The following SLC4A10 variants were observed in gnomAD, a reference collection of about 807,000 sequenced individuals.
SLC4A10 encodes solute carrier family 4 member 10, also known as sodium-driven chloride bicarbonate exchanger.
SLC4A10 carries 42 observed loss-of-function variants against 137.7 expected under a neutral mutation model. That is an observed-to-expected ratio of 0.30 (90% CI 0.24 to 0.39). The LOEUF (loss-of-function observed/expected upper bound fraction) is 0.39. Among genes scored for constraint, SLC4A10 ranks in the 10% least tolerant of loss-of-function variants. SLC4A10 has a pLI of 1.00. For synonymous variants in SLC4A10, 474 were observed against 464.1 expected, an observed-to-expected ratio of 1.02 and a Z score of -0.27; for missense variants, 925 against 1,355.0, an observed-to-expected ratio of 0.68 and a Z score of 4.98.
intron 15 of SLC4A10, among the ~76,000 whole-genome samples, chr2:161,938,939 T>A (rs1221354793): frequency 6.6e-6 from 1 of 152,156 alleles, no homozygotes; most frequent in African/African-American, 2.4e-5. Flanking sequence ...GCAACATTTT[T>A]AACAAAATTT....
At chr2:161,661,991 G>A (rs1043023233) in intron 1 of SLC4A10, among the ~76,000 whole-genome samples, 3 of 152,022 alleles carry the variant, frequency 2.0e-5, no homozygotes, top group Non-Finnish European at 4.4e-5. Context: ...CAGAAAATAC[G>A]CTTTATGGAG....
intron 1 of SLC4A10, among the ~76,000 whole-genome samples, chr2:161,655,223 T>C (rs1182855306): frequency 6.6e-6 from 1 of 152,218 alleles, no homozygotes; most frequent in Non-Finnish European, 1.5e-5. Flanking sequence ...TGATTTTGTA[T>C]CTTGCAATAC....
chr2:161,866,225 A>T (rs924288953), intron 6 of SLC4A10, among the ~76,000 whole-genome samples: 7 of 152,002 alleles, frequency 4.6e-5, no homozygotes, highest in Non-Finnish European at 7.4e-5. Context: ...TCCGGGGTTA[A>T]ACATTCAGAC....
chr2:161,890,153 CTGTT>C (rs1475118724), intron 10 of SLC4A10, among the ~76,000 whole-genome samples: 1 of 152,088 alleles, frequency 6.6e-6, no homozygotes, highest in East Asian at 1.9e-4. Context: ...GTCTGAGAGA[CTGTT>C]TGTTATGATT....
At chr2:161,700,782 G>A (rs1300548590) in intron 1 of SLC4A10, among the ~76,000 whole-genome samples, 3 of 152,020 alleles carry the variant, frequency 2.0e-5, no homozygotes, top group East Asian at 1.9e-4. Flanking sequence ...TAAAAGCTAC[G>A]TTATTGCACT....
At chr2:161,964,919 C>A in intron 22 of SLC4A10, 132 bp from the exon 23 acceptor site, 2 of 660,784 alleles carry the variant, frequency 3.0e-6, no homozygotes, top group Non-Finnish European at 4.7e-6. Flanking sequence ...ATGTTTTATA[C>A]ATATATATCT....
chr2:161,680,082 A>G (rs770737199), intron 1 of SLC4A10, among the ~76,000 whole-genome samples: 1 of 152,080 alleles, frequency 6.6e-6, no homozygotes, highest in Non-Finnish European at 1.5e-5. Flanking sequence ...TTCCATAAAG[A>G]CCTGGATGAA....
chr2:161,953,992 T>C (rs1695236883), intron 19 of SLC4A10, among the ~76,000 whole-genome samples: 1 of 152,166 alleles, frequency 6.6e-6, no homozygotes, highest in Non-Finnish European at 1.5e-5. Context: ...GATAAAATCT[T>C]ATAAAAAAGA....
At chr2:161,685,631 CAAACA>C (rs141932629) in intron 1 of SLC4A10, among the ~76,000 whole-genome samples, 15,585 of 145,684 alleles carry the variant, frequency 0.11, 1,045 homozygotes, top group East Asian at 0.38. Flanking sequence ...AACAAACAAA[CAAACA>C]AAAAAAAAAA....
intron 1 of SLC4A10, among the ~76,000 whole-genome samples, chr2:161,645,061 G>A (rs908224981): frequency 2.6e-5 from 4 of 152,118 alleles, no homozygotes; most frequent in Non-Finnish European, 5.9e-5. Context: ...AAGCAATTGA[G>A]AATTGGAAGA....
rs183396538 is a variant in SLC4A10, at chr2:161,696,679, C to A, written c.48+72113C>A. On this transcript the variant is annotated intron_variant, in intron 1 of 26. Coordinates refer to ENST00000446997, the MANE Select transcript of SLC4A10 (RefSeq NM_001178015.2). Reference sequence around the variant, plus strand: ...CATAGTATTCCATGGTGTATATGTACCACATTTTCTTAATCGAGTCTATCA... The same window carrying A: ...CATAGTATTCCATGGTGTATATGTAACACATTTTCTTAATCGAGTCTATCA... Among the ~76,000 whole-genome samples the A allele has an allele frequency of 3.5e-3, 529 of 151,838 alleles. 1 individual carries two copies. Among genetic ancestry groups the A allele is most frequent in the African/African-American group, 0.012 (506 of 41,424 alleles).
At chr2:161,648,786 C>T (rs975403857) in intron 1 of SLC4A10, among the ~76,000 whole-genome samples, 12 of 152,176 alleles carry the variant, frequency 7.9e-5, no homozygotes, top group African/African-American at 2.9e-4. Flanking sequence ...GAGAGCTATG[C>T]ATGTGGGTTG....
At chr2:161,708,791 T>A (rs1214038840) in intron 1 of SLC4A10, 1 of 1,532,800 alleles carries the variant, frequency 6.5e-7, no homozygotes, top group East Asian at 2.4e-5. Context: ...GGTCATGCAG[T>A]CTGGAACCTG....
intron 10 of SLC4A10, among the ~76,000 whole-genome samples, chr2:161,883,042 G>A (rs1311380479): frequency 6.6e-6 from 1 of 152,076 alleles, no homozygotes; most frequent in Non-Finnish European, 1.5e-5. Context: ...TCAAAGAAGT[G>A]TATGTCTCAA....
chr2:161,879,906 TA>T (rs2061659637), intron 9 of SLC4A10, among the ~76,000 whole-genome samples: 1 of 151,980 alleles, frequency 6.6e-6, no homozygotes, highest in Non-Finnish European at 1.5e-5. Context: ...CATTTAACAA[TA>T]AAATAACAAC....
Position 161,855,066 on chromosome 2 carries a change from A to G in SLC4A10, c.513A>G (p.Arg171=), listed in dbSNP as rs373442088. The change falls in exon 5 of 27, where the codon AGA becomes AGG. Residue 171 remains arginine, a synonymous_variant. Transcript: ENST00000446997. ...TLSLHSLFEL[R]SCILNGTVLL... ...CATTGCACAGCTTGTTTGAATTGAG[A>G]AGTTGTATTCTGAATGGAACTGTGT... is the stretch of plus-strand genomic sequence containing the variant. 1.9e-6 allele frequency: 3 copies of G among 1,613,362 alleles called. No homozygotes were observed. The highest frequency in any genetic ancestry group is 1.3e-5 in the African/African-American group (1 of 74,876).
intron 3 of SLC4A10, among the ~76,000 whole-genome samples, chr2:161,818,953 C>T (rs1411070946): frequency 1.3e-5 from 2 of 152,026 alleles, no homozygotes; most frequent in South Asian, 2.1e-4. Context: ...TTTGTTGTGT[C>T]TCTGCCAGGG....
At chr2:161,953,376 G>A (rs571812269) in intron 19 of SLC4A10, among the ~76,000 whole-genome samples, 8 of 152,110 alleles carry the variant, frequency 5.3e-5, no homozygotes, top group Non-Finnish European at 8.8e-5. Context: ...TTGGGAGGCC[G>A]AGACAGGTGG....
chr2:161,874,424 T>C (rs2061338928), intron 8 of SLC4A10, among the ~76,000 whole-genome samples: 1 of 152,242 alleles, frequency 6.6e-6, no homozygotes, highest in Admixed American at 6.5e-5. Context: ...CTTTTGGTTG[T>C]GTGACCTGCC....
Sources: allele counts gnomAD v4.1 joint callset (sites outside exome capture counted in the v4.1 genomes callset), GRCh38; gene constraint gnomAD v4.1.1; transcripts MANE v1.5; gene names NCBI Gene and HGNC (gene_info 2026-07-23, HGNC 2026-07-21).